The following MB21D2 variants were observed in gnomAD, a reference collection of about 807,000 sequenced individuals.
The protein encoded by MB21D2 is Mab-21 domain containing 2.
MB21D2 carries 9 observed loss-of-function variants against 33.3 expected under a neutral mutation model. That is an observed-to-expected ratio of 0.27 (90% CI 0.16 to 0.47). The LOEUF (loss-of-function observed/expected upper bound fraction) is 0.47, where lower values mean the gene tolerates loss of function less well. Ranked by LOEUF, MB21D2 falls within the 20% of genes least tolerant of loss-of-function variation. The probability of loss-of-function intolerance (pLI) is 0.99; values close to 1 mark genes in which losing one functional copy is unlikely to be tolerated. For missense variants in MB21D2, 540 were observed against 624.6 expected, an observed-to-expected ratio of 0.86 and a Z score of 1.44; for synonymous variants, 241 against 236.3, an observed-to-expected ratio of 1.02 and a Z score of -0.18.
At chr3:192,863,173 T>C (rs912776847) in intron 1 of MB21D2, among the ~76,000 whole-genome samples, 1 of 151,896 alleles carries the variant, frequency 6.6e-6, no homozygotes, top group Admixed American at 6.6e-5. Context: ...ACACCAAGGG[T>C]TGCCAAGCAG....
At position 192,876,887 on chromosome 3, in the gene MB21D2, A is replaced by G. The variant is rs148242416; in HGVS notation, c.211+40743T>C. Among the ~76,000 whole-genome samples, 481 of 152,196 alleles carry G rather than the reference A, an allele frequency of 3.2e-3. 3 individuals are homozygous for G. The highest frequency in any genetic ancestry group is 0.011 in the African/African-American group (462 of 41,512). On this transcript the variant is annotated intron_variant, in intron 1 of 1. Transcript: ENST00000392452. ...CCAAAGTAGGTTGGATGCTCTTCCT[A>G]TGTGCTCCTGTGGCACCCGCTATTT...
chr3:192,875,551 A>T (rs578024446), intron 1 of MB21D2, among the ~76,000 whole-genome samples: 5 of 152,226 alleles, frequency 3.3e-5, no homozygotes, highest in Non-Finnish European at 7.3e-5. Context: ...TTATACAGCA[A>T]TAATAATTTA....
intron 1 of MB21D2, among the ~76,000 whole-genome samples, chr3:192,900,522 G>A (rs576808039): frequency 6.6e-5 from 10 of 152,126 alleles, no homozygotes; most frequent in Admixed American, 5.9e-4. Context: ...TGGTTTGGCT[G>A]GTTTTTTCGT....
At chr3:192,820,568 C>A (rs1712025170) in intron 1 of MB21D2, among the ~76,000 whole-genome samples, 1 of 152,212 alleles carries the variant, frequency 6.6e-6, no homozygotes, top group Non-Finnish European at 1.5e-5. Flanking sequence ...CGCCTATAGA[C>A]AGACGAGGAA....
intron 1 of MB21D2, among the ~76,000 whole-genome samples, chr3:192,853,717 G>A (rs1207374020): frequency 1.3e-5 from 2 of 151,932 alleles, no homozygotes; most frequent in Admixed American, 6.6e-5. Context: ...TTGCTTTACT[G>A]TGCTTCTCAG....
At chr3:192,900,627 T>C (rs915312521) in intron 1 of MB21D2, among the ~76,000 whole-genome samples, 2 of 152,052 alleles carry the variant, frequency 1.3e-5, no homozygotes, top group African/African-American at 4.8e-5. Flanking sequence ...CTCCCTATTG[T>C]ATTCCTATGG....
chr3:192,909,848 C>G (rs1181339684), intron 1 of MB21D2, among the ~76,000 whole-genome samples: 2 of 147,002 alleles, frequency 1.4e-5, no homozygotes, highest in Non-Finnish European at 3.0e-5. Flanking sequence ...AGGAGAATCA[C>G]TGGAACCCGG....
intron 1 of MB21D2, among the ~76,000 whole-genome samples, chr3:192,822,780 T>C (rs1712089393): frequency 1.3e-5 from 2 of 152,196 alleles, no homozygotes; most frequent in African/African-American, 2.4e-5. Flanking sequence ...GAACACTGAA[T>C]GTCAAAGAGG....
chr3:192,859,232 A>G (rs985177769), intron 1 of MB21D2, among the ~76,000 whole-genome samples: 1 of 152,184 alleles, frequency 6.6e-6, no homozygotes, highest in Non-Finnish European at 1.5e-5. Context: ...TATTCACTCC[A>G]AAATAATGTA....
intron 1 of MB21D2, among the ~76,000 whole-genome samples, chr3:192,819,730 C>T (rs541079138): frequency 4.6e-5 from 7 of 152,176 alleles, no homozygotes; most frequent in Non-Finnish European, 1.0e-4. Context: ...GTCCCCAAGT[C>T]CCCTCTCTAA....
In MB21D2 at chr3:192,867,936, G is replaced by C. The variant is rs115438219; in HGVS notation, c.211+49694C>G. Among the ~76,000 whole-genome samples the C allele has an allele frequency of 7.7e-3, 1,174 of 152,254 alleles. 12 individuals are homozygous for C. Among genetic ancestry groups the C allele is most frequent in the African/African-American group, 0.027 (1,114 of 41,528 alleles). On this transcript the variant is annotated intron_variant, in intron 1 of 1. Coordinates refer to ENST00000392452, the MANE Select transcript of MB21D2 (RefSeq NM_178496.4). ...CTAATCACACAAAAAGGCTGGGGAT[G>C]GGGGAGGAAGGAAGATTGGAATGAG...
intron 1 of MB21D2, among the ~76,000 whole-genome samples, chr3:192,886,869 A>G (rs1017182876): frequency 6.6e-6 from 1 of 152,120 alleles, no homozygotes; most frequent in East Asian, 1.9e-4. Context: ...TGACTAATTC[A>G]GATTCCATTC....
intron 1 of MB21D2, among the ~76,000 whole-genome samples, chr3:192,852,105 A>G (rs1340774903): frequency 6.6e-6 from 1 of 152,252 alleles, no homozygotes; most frequent in Non-Finnish European, 1.5e-5. Flanking sequence ...GGTTCTGCCA[A>G]CAGGGGAAAT....
intron 1 of MB21D2, among the ~76,000 whole-genome samples, chr3:192,874,739 G>A (rs1713392319): frequency 6.6e-6 from 1 of 152,128 alleles, no homozygotes; most frequent in South Asian, 2.1e-4. Flanking sequence ...CAGCCAGTGG[G>A]GAGCACAGCA....
At chr3:192,815,227 G>C (rs1317295127) in intron 1 of MB21D2, among the ~76,000 whole-genome samples, 1 of 152,170 alleles carries the variant, frequency 6.6e-6, no homozygotes, top group African/African-American at 2.4e-5. Context: ...GACTTTCAAG[G>C]TTATTTATTC....
chr3:192,879,475 G>T (rs1041997681), intron 1 of MB21D2, among the ~76,000 whole-genome samples: 9 of 152,266 alleles, frequency 5.9e-5, no homozygotes, highest in African/African-American at 1.9e-4. Flanking sequence ...GGGCCTCAAG[G>T]CCTGAACTGC....
intron 1 of MB21D2, among the ~76,000 whole-genome samples, chr3:192,871,464 G>C (rs7621504): frequency 0.057 from 8,736 of 152,222 alleles, 325 homozygotes; most frequent in African/African-American, 0.094. Flanking sequence ...GAATAACACA[G>C]AGTCTGTCCT....
chr3:192,875,761 C>T (rs1181145055), intron 1 of MB21D2, among the ~76,000 whole-genome samples: 1 of 152,088 alleles, frequency 6.6e-6, no homozygotes, highest in East Asian at 1.9e-4. Context: ...AACCATTTGC[C>T]TAACAAAGTT....
At chr3:192,815,787 G>A (rs1199730725) in intron 1 of MB21D2, among the ~76,000 whole-genome samples, 1 of 152,180 alleles carries the variant, frequency 6.6e-6, no homozygotes, top group Non-Finnish European at 1.5e-5. Flanking sequence ...ATTTGTGCTA[G>A]ATTTCTGCTA....
Sources: allele counts gnomAD v4.1 joint callset (sites outside exome capture counted in the v4.1 genomes callset), GRCh38; gene constraint gnomAD v4.1.1; transcripts MANE v1.5; gene names NCBI Gene and HGNC (gene_info 2026-07-23, HGNC 2026-07-21).